RPS6KA2: variants seen among roughly 807,000 people sequenced by gnomAD.
RPS6KA2 encodes the protein ribosomal protein S6 kinase alpha-2.
In RPS6KA2, 42 loss-of-function variants were observed where a neutral mutation model predicts 91.8. That is an observed-to-expected ratio of 0.46 (90% CI 0.36 to 0.59). The LOEUF is 0.59. RPS6KA2 is among the 20% of genes least tolerant of loss of function. The pLI is 0.00. For missense variants in RPS6KA2, 798 were observed against 978.5 expected (o/e 0.82, Z 2.46); for synonymous variants, 414 against 393.6 (o/e 1.05, Z -0.61).
intron 2 of RPS6KA2, among the ~76,000 whole-genome samples, chr6:166,680,412 G>A (rs1057028770): frequency 5.9e-5 from 9 of 152,214 alleles, no homozygotes; most frequent in African/African-American, 2.2e-4. Flanking sequence ...AATAAAAGCA[G>A]GCCGCCCCAG....
At chr6:166,478,967 G>A (rs554154639) in intron 10 of RPS6KA2, among the ~76,000 whole-genome samples, 25 of 152,218 alleles carry the variant, frequency 1.6e-4, no homozygotes, top group Non-Finnish European at 2.6e-4. Flanking sequence ...GAAGGGGTGC[G>A]TGGCGTGGGT....
At chr6:166,826,806 G>T (rs74472945) in intron 2 of RPS6KA2, among the ~76,000 whole-genome samples, 79 of 152,180 alleles carry the variant, frequency 5.2e-4, no homozygotes, top group African/African-American at 1.9e-3. Context: ...GATTATTGAG[G>T]GTACTCTTCA....
intron 1 of RPS6KA2, among the ~76,000 whole-genome samples, chr6:166,545,725 G>A (rs1022918151): frequency 6.6e-6 from 1 of 152,038 alleles, no homozygotes; most frequent in Non-Finnish European, 1.5e-5. Flanking sequence ...CGCCTTCATT[G>A]CCTGTTGTTC....
At chr6:166,830,242 T>C (rs796178527) in intron 2 of RPS6KA2, among the ~76,000 whole-genome samples, 42 of 152,262 alleles carry the variant, frequency 2.8e-4, no homozygotes, top group African/African-American at 9.4e-4. Flanking sequence ...ATATACCAGT[T>C]GCAAAAAGAC....
intron 10 of RPS6KA2, among the ~76,000 whole-genome samples, chr6:166,477,379 G>A (rs1325741559): frequency 6.6e-6 from 1 of 152,060 alleles, no homozygotes; most frequent in Non-Finnish European, 1.5e-5. Context: ...CTAGGGAGGA[G>A]GTAGCTCCAT....
chr6:166,836,900 T>G (rs558752330), intron 2 of RPS6KA2, among the ~76,000 whole-genome samples: 3 of 152,338 alleles, frequency 2.0e-5, no homozygotes, highest in South Asian at 4.1e-4. Context: ...TGTCAGGAGC[T>G]GACCAGGCCT....
Position 166,733,875 on chromosome 6 carries a change from T to C in RPS6KA2, c.123+124325A>G, listed in dbSNP as rs1439507751. On this transcript the variant is annotated intron_variant, in intron 2 of 21. Transcript: ENST00000503859. The surrounding 1 kb of genome is among the most constrained non-coding windows in gnomAD (Gnocchi z 4.1). The stretch of plus-strand genomic sequence containing the variant: ...TTACAGGCTGAACAGAGTAAACCAA[T>C]AGAAAGAGAAATGGTAAAATGAAAA... 6.6e-6 allele frequency among the ~76,000 whole-genome samples: 1 copy of C among 152,128 alleles called. No homozygotes were observed. Among genetic ancestry groups the C allele is most frequent in the Non-Finnish European group, 1.5e-5 (1 of 68,028 alleles).
intron 10 of RPS6KA2, among the ~76,000 whole-genome samples, chr6:166,484,347 G>A (rs1781335168): frequency 2.0e-5 from 3 of 152,292 alleles, no homozygotes; most frequent in African/African-American, 7.2e-5. Flanking sequence ...ACCTGTGGCC[G>A]GCCCAGCTGC....
intron 11 of RPS6KA2, among the ~76,000 whole-genome samples, chr6:166,468,129 T>C (rs1266729731): frequency 1.3e-5 from 2 of 152,184 alleles, no homozygotes; most frequent in African/African-American, 2.4e-5. Context: ...CCATAGAAAA[T>C]ACATTCCAAC....
At chr6:166,721,981 T>C (rs73261088) in intron 2 of RPS6KA2, among the ~76,000 whole-genome samples, 14,627 of 152,234 alleles carry the variant, frequency 0.096, 1,455 homozygotes, top group African/African-American at 0.26. Flanking sequence ...TTCACACATA[T>C]AGACTCATTA....
intron 2 of RPS6KA2, among the ~76,000 whole-genome samples, chr6:166,735,112 G>A (rs966528919): frequency 1.0e-3 from 155 of 152,310 alleles, no homozygotes; most frequent in African/African-American, 3.4e-3. Flanking sequence ...GGCCCTAAGC[G>A]TGTCCATGCT....
intron 2 of RPS6KA2, among the ~76,000 whole-genome samples, chr6:166,688,716 G>T (rs1283537881): frequency 2.6e-5 from 4 of 152,332 alleles, no homozygotes; most frequent in African/African-American, 9.6e-5. Context: ...TGTGCTTAGG[G>T]GCTAGGACGT....
At chr6:166,499,512 G>T (rs935505116) in intron 7 of RPS6KA2, among the ~76,000 whole-genome samples, 1 of 152,234 alleles carries the variant, frequency 6.6e-6, no homozygotes, top group Admixed American at 6.5e-5. Flanking sequence ...AATCATGGGG[G>T]TGGGTTTTTC....
At chr6:166,802,288 A>T (rs1377735778) in intron 2 of RPS6KA2, among the ~76,000 whole-genome samples, 1 of 151,380 alleles carries the variant, frequency 6.6e-6, no homozygotes, top group Non-Finnish European at 1.5e-5. Flanking sequence ...AAAAAAAAAA[A>T]TCAATCCCTC....
At chr6:166,502,870 T>C (rs990328814) in intron 6 of RPS6KA2, among the ~76,000 whole-genome samples, 29 of 152,358 alleles carry the variant, frequency 1.9e-4, no homozygotes, top group Admixed American at 1.7e-3. Context: ...GGGATTACTC[T>C]GGATAAAGTC....
chr6:166,658,323 T>A (rs938408150), intron 2 of RPS6KA2, among the ~76,000 whole-genome samples: 1 of 152,194 alleles, frequency 6.6e-6, no homozygotes, highest in South Asian at 2.1e-4. Context: ...CCGACAGCCC[T>A]GTGCACAGCC....
At chr6:166,488,699 C>T in intron 10 of RPS6KA2, 134 bp downstream of exon 10, 2 of 645,618 alleles carry the variant, frequency 3.1e-6, no homozygotes, top group East Asian at 2.8e-5. Context: ...ATTTCAACCT[C>T]TAGGTGAGGT....
Position 166,422,469 on chromosome 6 carries a change from G to A in RPS6KA2, c.1743+787C>T, listed in dbSNP as rs73788299. ...TGGTCCAGTTCCATCAAGAACCCACGGGATCCACACAGACTCTGAAGTCCG... is the reference window on the plus strand; with the variant it reads ...TGGTCCAGTTCCATCAAGAACCCACAGGATCCACACAGACTCTGAAGTCCG... On this transcript the variant is annotated intron_variant, in intron 17 of 20. Coordinates refer to ENST00000265678, the MANE Select transcript of RPS6KA2 (RefSeq NM_021135.6). Among the ~76,000 whole-genome samples the A allele has an allele frequency of 8.0e-3, 1,215 of 152,172 alleles. 15 individuals are homozygous for A. Among genetic ancestry groups the A allele is most frequent in the African/African-American group, 0.028 (1,170 of 41,512 alleles).
intron 2 of RPS6KA2, among the ~76,000 whole-genome samples, chr6:166,699,115 G>T (rs1420505769): frequency 6.6e-6 from 1 of 152,202 alleles, no homozygotes; most frequent in Non-Finnish European, 1.5e-5. Flanking sequence ...TGACAACTAA[G>T]AGGAGAGGAG....
Sources: allele counts gnomAD v4.1 joint callset (sites outside exome capture counted in the v4.1 genomes callset), GRCh38; gene constraint gnomAD v4.1.1; non-coding constraint Gnocchi (gnomAD v3.1); transcripts MANE v1.5; gene names NCBI Gene and HGNC (gene_info 2026-07-23, HGNC 2026-07-21).